CACNA1A: variants seen among roughly 807,000 people sequenced by gnomAD.
CACNA1A encodes calcium voltage-gated channel subunit alpha1 A.
CACNA1A carries 57 observed loss-of-function variants against 262.4 expected under a neutral mutation model. That is an observed-to-expected ratio of 0.22 (90% CI 0.18 to 0.27). The LOEUF (loss-of-function observed/expected upper bound fraction) is 0.27, where lower values mean the gene tolerates loss of function less well. Among genes scored for constraint, CACNA1A ranks in the 10% least tolerant of loss-of-function variants. The pLI is 1.00. For missense variants in CACNA1A, 2,526 were observed against 3,562.8 expected, an observed-to-expected ratio of 0.71 and a Z score of 7.41; for synonymous variants, 1,431 against 1,419.3, an observed-to-expected ratio of 1.01 and a Z score of -0.18.
intron 23 of CACNA1A, among the ~76,000 whole-genome samples, chr19:13,276,198 G>A (rs2057144429): frequency 6.6e-6 from 1 of 152,188 alleles, no homozygotes; most frequent in Non-Finnish European, 1.5e-5. Flanking sequence ...CAAACTTTGG[G>A]ATCCTCTTTG....
At chr19:13,429,512 T>G (rs2060467001) in intron 3 of CACNA1A, among the ~76,000 whole-genome samples, 1 of 148,228 alleles carries the variant, frequency 6.7e-6, no homozygotes, top group South Asian at 2.2e-4. Flanking sequence ...CTCACTCCTA[T>G]TTTTAGTTTC....
chr19:13,413,112 T>G (rs200530188), intron 3 of CACNA1A, among the ~76,000 whole-genome samples: 17 of 122,808 alleles, frequency 1.4e-4, no homozygotes, highest in Non-Finnish European at 2.1e-4. Flanking sequence ...TTTTTTTTTT[T>G]GTTTTTTTTT....
chr19:13,343,649 A>G (rs532339178), intron 6 of CACNA1A, among the ~76,000 whole-genome samples: 4 of 152,318 alleles, frequency 2.6e-5, no homozygotes, highest in South Asian at 2.1e-4. Context: ...CTACCGTGGG[A>G]TAAAACTAGA....
intron 30 of CACNA1A, among the ~76,000 whole-genome samples, chr19:13,247,032 G>A (rs2056254724): frequency 6.6e-6 from 1 of 152,246 alleles, no homozygotes; most frequent in Admixed American, 6.5e-5. Flanking sequence ...ACCGGGTACT[G>A]ACATGGTGAT....
chr19:13,494,963 C>A (rs564252703), intron 1 of CACNA1A, among the ~76,000 whole-genome samples: 1 of 152,118 alleles, frequency 6.6e-6, no homozygotes, highest in Non-Finnish European at 1.5e-5. Context: ...AATCTGTAAT[C>A]TCTGACTAGT....
chr19:13,367,337 A>T (rs192538372), intron 4 of CACNA1A, among the ~76,000 whole-genome samples: 250 of 149,888 alleles, frequency 1.7e-3, no homozygotes, highest in African/African-American at 6.1e-3. Flanking sequence ...CTAGGATTTG[A>T]ACCCAGGTCC....
intron 3 of CACNA1A, among the ~76,000 whole-genome samples, chr19:13,408,864 G>A (rs2060058806): frequency 1.3e-5 from 2 of 152,184 alleles, no homozygotes; most frequent in Admixed American, 6.5e-5. Flanking sequence ...GGTGAGGCTC[G>A]ATTGTGTTGT....
chr19:13,370,366 A>G (rs1389920689), intron 4 of CACNA1A, among the ~76,000 whole-genome samples: 1 of 151,972 alleles, frequency 6.6e-6, no homozygotes, highest in Non-Finnish European at 1.5e-5. Flanking sequence ...TGGCCTCCCA[A>G]AGTGCTAGGA....
intron 6 of CACNA1A, among the ~76,000 whole-genome samples, chr19:13,336,612 A>G (rs375049101): frequency 5.6e-5 from 8 of 142,910 alleles, no homozygotes; most frequent in Admixed American, 2.8e-4. Flanking sequence ...AGAGAGAGAG[A>G]GAGAGAGAGA....
At chr19:13,412,076 C>G (rs2144741031) in intron 3 of CACNA1A, among the ~76,000 whole-genome samples, 2 of 152,078 alleles carry the variant, frequency 1.3e-5, no homozygotes, top group African/African-American at 4.8e-5. Flanking sequence ...TAAGTCAACA[C>G]AGATAGTGAA....
chr19:13,261,418 CA>C, intron 26 of CACNA1A, 31 bp downstream of exon 26: 1 of 1,540,262 alleles, frequency 6.5e-7, no homozygotes, highest in Non-Finnish European at 8.8e-7. Context: ...CTGCTGGTTC[CA>C]ATGGGAATGT....
At chr19:13,222,341 C>T (rs549372482) in intron 38 of CACNA1A, among the ~76,000 whole-genome samples, 1 of 151,946 alleles carries the variant, frequency 6.6e-6, no homozygotes, top group South Asian at 2.1e-4. Flanking sequence ...TGTGCCTGGC[C>T]TCAACAAAAT....
intron 4 of CACNA1A, chr19:13,371,408 G>T (rs2059320657): frequency 7.9e-6 from 3 of 380,058 alleles, no homozygotes; most frequent in African/African-American, 2.0e-5. Context: ...AACTTCATAG[G>T]GCTGTGAGTA....
At chr19:13,239,622 C>T (rs546853548) in intron 31 of CACNA1A, among the ~76,000 whole-genome samples, 15 of 152,160 alleles carry the variant, frequency 9.9e-5, no homozygotes, top group South Asian at 4.2e-4. Context: ...GCCATTGGGG[C>T]GTCCCTCTAA....
In CACNA1A at chr19:13,303,617, C is replaced by CA. The variant is rs2144979466; in HGVS notation, c.2105-5dup. On this transcript the variant is annotated splice_polypyrimidine_tract_variant and splice_region_variant and intron_variant, in intron 16 of 46. Coordinates refer to ENST00000360228, the MANE Select transcript of CACNA1A (RefSeq NM_001127222.2). Reference sequence around the variant, plus strand: ...AAGAACACATTCAGGAGGGTGTCTGCAAATGTCTGAGTCAGGAAAAGCAAC... The same window carrying CA: ...AAGAACACATTCAGGAGGGTGTCTGCAAAATGTCTGAGTCAGGAAAAGCAAC... The CA allele has an allele frequency of 6.2e-7, 1 of 1,611,838 alleles. No individual in the cohort carries two copies. Among genetic ancestry groups the CA allele is most frequent in the Non-Finnish European group, 8.5e-7 (1 of 1,178,828 alleles).
intron 4 of CACNA1A, chr19:13,371,074 G>A (rs2059315142): frequency 6.6e-6 from 1 of 152,176 alleles, no homozygotes; most frequent in African/African-American, 2.4e-5. Context: ...GAATTTTAGA[G>A]CTCATTACTG....
intron 6 of CACNA1A, among the ~76,000 whole-genome samples, chr19:13,341,855 A>G (rs2058681648): frequency 6.6e-6 from 1 of 152,052 alleles, no homozygotes; most frequent in African/African-American, 2.4e-5. Flanking sequence ...GACAAGAGGG[A>G]GGGGCTTTGT....
chr19:13,208,077 A>T, intron 46 of CACNA1A, 24 bp from the exon 47 acceptor site: 1 of 1,264,256 alleles, frequency 7.9e-7, no homozygotes, highest in Non-Finnish European at 9.9e-7. Flanking sequence ...GAAACAAAGG[A>T]AATCAAAAAA....
At chr19:13,285,020 TG>T (rs764593526) in intron 21 of CACNA1A, 47 bp downstream of exon 21, 197 of 1,607,530 alleles carry the variant, frequency 1.2e-4, no homozygotes, top group Non-Finnish European at 1.6e-4. Flanking sequence ...TCCGCCACCC[TG>T]GTGGGAGCCC....
Sources: allele counts gnomAD v4.1 joint callset (sites outside exome capture counted in the v4.1 genomes callset), GRCh38; gene constraint gnomAD v4.1.1; transcripts MANE v1.5; gene names NCBI Gene and HGNC (gene_info 2026-07-23, HGNC 2026-07-21).